The following WWTR1 variants were observed in gnomAD, a reference collection of about 807,000 sequenced individuals.
WWTR1 encodes the protein WW domain containing transcription regulator 1, also known as WW domain-containing transcription regulator protein 1.
A neutral mutation model predicts 40.1 loss-of-function variants in WWTR1; 13 were observed. That is an observed-to-expected ratio of 0.32 (90% CI 0.21 to 0.52). The LOEUF is 0.52. Ranked by LOEUF, WWTR1 falls within the 20% of genes least tolerant of loss-of-function variation. WWTR1 has a pLI of 0.97. For synonymous variants in WWTR1, 230 were observed against 210.1 expected, an observed-to-expected ratio of 1.09 and a Z score of -0.82; for missense variants, 436 against 523.1, an observed-to-expected ratio of 0.83 and a Z score of 1.63.
chr3:149,624,994 G>A (rs1461776401), intron 2 of WWTR1, among the ~76,000 whole-genome samples: 1 of 151,264 alleles, frequency 6.6e-6, no homozygotes, highest in East Asian at 1.9e-4. Flanking sequence ...GCCTCCCAAA[G>A]CGCTGGGATT....
chr3:149,628,361 T>G (rs1181766769), intron 2 of WWTR1, among the ~76,000 whole-genome samples: 1 of 152,206 alleles, frequency 6.6e-6, no homozygotes, highest in Non-Finnish European at 1.5e-5. Context: ...AGAGCGAGAC[T>G]CCGTCTCAAA....
At chr3:149,597,813 G>A (rs552436353) in intron 2 of WWTR1, among the ~76,000 whole-genome samples, 1 of 152,312 alleles carries the variant, frequency 6.6e-6, no homozygotes, top group South Asian at 2.1e-4. Flanking sequence ...GCCACTGAAA[G>A]TGTAGGCCGA....
chr3:149,651,517 AC>A (rs1216272216), intron 2 of WWTR1, among the ~76,000 whole-genome samples: 12 of 152,166 alleles, frequency 7.9e-5, no homozygotes, highest in Non-Finnish European at 1.3e-4. Context: ...AGCCTAGAAA[AC>A]TTTTGAGATC....
chr3:149,546,347 G>A (rs1366154630), intron 3 of WWTR1, among the ~76,000 whole-genome samples: 2 of 152,238 alleles, frequency 1.3e-5, no homozygotes, highest in African/African-American at 4.8e-5. Context: ...GATTAAAAAT[G>A]ATCTTAATGT....
chr3:149,544,500 T>A (rs915610239), intron 3 of WWTR1, among the ~76,000 whole-genome samples: 1 of 152,110 alleles, frequency 6.6e-6, no homozygotes, highest in African/African-American at 2.4e-5. Context: ...TTTTTATGAG[T>A]GGCTTATGGA....
At chr3:149,718,553 T>C (rs1715668047) in intron 4 of WWTR1, among the ~76,000 whole-genome samples, 1 of 152,228 alleles carries the variant, frequency 6.6e-6, no homozygotes, top group Non-Finnish European at 1.5e-5. Context: ...CATATGGTTG[T>C]GCAAACATCA....
intron 3 of WWTR1, among the ~76,000 whole-genome samples, chr3:149,570,787 C>G (rs1737581685): frequency 6.6e-6 from 1 of 152,066 alleles, no homozygotes; most frequent in African/African-American, 2.4e-5. Flanking sequence ...CATGTGCCTT[C>G]AATATCTAGT....
At chr3:149,542,296 G>A in intron 4 of WWTR1, 39 bp downstream of exon 4, 1 of 1,595,608 alleles carries the variant, frequency 6.3e-7, no homozygotes. Context: ...TTGGCACCAA[G>A]GCCAGGGAGC....
chr3:149,583,827 G>A (rs993927190), intron 2 of WWTR1, among the ~76,000 whole-genome samples: 1 of 152,174 alleles, frequency 6.6e-6, no homozygotes, highest in African/African-American at 2.4e-5. Flanking sequence ...AGGTGGCAGT[G>A]AAACAACGAG....
At chr3:149,578,702 A>G (rs1254051693) in intron 2 of WWTR1, among the ~76,000 whole-genome samples, 2 of 152,164 alleles carry the variant, frequency 1.3e-5, no homozygotes, top group African/African-American at 4.8e-5. Context: ...GTTAGAGACT[A>G]GCCTGGCGAA....
At chr3:149,659,030 GGAA>G (rs1215015472), upstream of WWTR1, among the ~76,000 whole-genome samples, 2 of 152,158 alleles carry the variant, frequency 1.3e-5, no homozygotes, top group Non-Finnish European at 2.9e-5. Flanking sequence ...TCTAGCTAAG[GGAA>G]GAAGGTCAAG....
chr3:149,538,278 A>T (rs1053927303), intron 4 of WWTR1, among the ~76,000 whole-genome samples: 7 of 152,194 alleles, frequency 4.6e-5, no homozygotes, highest in East Asian at 3.8e-4. Context: ...TAATTTCCTT[A>T]AAAAAATGAA....
At chr3:149,722,683 C>G (rs1187957036) in intron 4 of WWTR1, among the ~76,000 whole-genome samples, 1 of 151,786 alleles carries the variant, frequency 6.6e-6, no homozygotes, top group Non-Finnish European at 1.5e-5. Context: ...TTGATGGTAC[C>G]CTACAGGTCC....
intron 1 of WWTR1, among the ~76,000 whole-genome samples, chr3:149,676,665 T>C (rs184423549): frequency 2.7e-5 from 4 of 148,920 alleles, no homozygotes; most frequent in East Asian, 3.9e-4. Context: ...AATTTGCCCA[T>C]GCGCACAGTT....
intron 4 of WWTR1, among the ~76,000 whole-genome samples, chr3:149,529,072 A>T: frequency 6.6e-6 from 1 of 152,164 alleles, no homozygotes; most frequent in Non-Finnish European, 1.5e-5. Context: ...TTCCTTTCAA[A>T]TTTGCTGATG....
chr3:149,653,424 C>T (rs917952480), intron 2 of WWTR1, among the ~76,000 whole-genome samples: 1 of 152,158 alleles, frequency 6.6e-6, no homozygotes, highest in African/African-American at 2.4e-5. Flanking sequence ...ATCTGCTTCA[C>T]TGTTACTCTA....
At chr3:149,654,932 G>C (rs1238415996) in intron 2 of WWTR1, among the ~76,000 whole-genome samples, 1 of 150,392 alleles carries the variant, frequency 6.6e-6, no homozygotes, top group Non-Finnish European at 1.5e-5. Context: ...GACCATCCTG[G>C]CTAACATGTT....
chr3:149,528,068 T>C lies in WWTR1; in HGVS notation c.772-99A>G, dbSNP rs537700362. 6.2e-6 allele frequency: 9 copies of C among 1,449,324 alleles called. No individual in the cohort carries two copies. In the East Asian group the frequency reaches 1.9e-4, roughly 30 times the overall value. The allele number at this position is 1,449,324 out of a possible 1,614,324, so 89.8% of individuals were successfully genotyped here. ...AAACTTTTCACCAAATACAAAGCAC[T>C]GTGTATTTACTCCCAGCAAGTCAAA... On this transcript the variant is annotated intron_variant, in intron 4 of 6. Coordinates refer to ENST00000360632, the MANE Select transcript of WWTR1 (RefSeq NM_015472.6).
At chr3:149,618,074 C>A (rs568768956) in intron 2 of WWTR1, among the ~76,000 whole-genome samples, 2 of 152,094 alleles carry the variant, frequency 1.3e-5, no homozygotes, top group African/African-American at 4.8e-5. Flanking sequence ...TTTGAAATAA[C>A]TTTTAAGGGT....
Sources: allele counts gnomAD v4.1 joint callset (sites outside exome capture counted in the v4.1 genomes callset), GRCh38; gene constraint gnomAD v4.1.1; transcripts MANE v1.5; gene names NCBI Gene and HGNC (gene_info 2026-07-23, HGNC 2026-07-21).